ROS1: variants seen among roughly 807,000 people sequenced by gnomAD.
ROS1 encodes the protein proto-oncogene tyrosine-protein kinase ROS.
In ROS1, 263 loss-of-function variants were observed where a neutral mutation model predicts 273.5. That is an observed-to-expected ratio of 0.96 (90% CI 0.87 to 1.06). The LOEUF is 1.06. Among genes scored for constraint, ROS1 ranks in the 50% least tolerant of loss-of-function variants. The probability of loss-of-function intolerance (pLI) is 0.00; values close to 1 mark genes in which losing one functional copy is unlikely to be tolerated. For missense variants in ROS1, 2,833 were observed against 2,751.1 expected (o/e 1.03, Z -0.67); for synonymous variants, 1,008 against 954.1 (o/e 1.06, Z -1.04).
At chr6:117,309,973 TG>T in intron 41 of ROS1, 107 bp downstream of exon 41, 1 of 961,578 alleles carries the variant, frequency 1.0e-6, no homozygotes, top group Non-Finnish European at 1.6e-6. Context: ...TTAATCTCTC[TG>T]GTCTTCTGTT....
At chr6:117,289,625 C>T (rs966791394) in intron 43 of ROS1, among the ~76,000 whole-genome samples, 3 of 152,206 alleles carry the variant, frequency 2.0e-5, no homozygotes, top group African/African-American at 7.2e-5. Flanking sequence ...CTCCGAACTG[C>T]TGAAGAACAA....
rs114017433 is a variant in ROS1, at chr6:117,312,190, A to G, written c.6118-1073T>C. Among the ~76,000 whole-genome samples, 819 of 152,142 alleles carry G rather than the reference A, an allele frequency of 5.4e-3. 7 individuals are homozygous for G. The highest frequency in any genetic ancestry group is 0.042 in the East Asian group (218 of 5,166). On this transcript the variant is annotated intron_variant, in intron 39 of 43. Transcript: ENST00000368507. ...TCAGCCTCTCTTCTTTATTCCTGCT[A>G]TCATTTTTTCTCCTGGAATGTGCTC...
chr6:117,318,248 A>G lies in ROS1; in HGVS notation c.5927T>C (p.Leu1976Ser). ...CTCCTGGTCTGTGGAACCCTTCTTC[A>G]AAGTCTATACAACATAAAAACAAGT... ...SGEIKVAVKT[L>S]KKGSTDQEKI... Residue 1976 changes from leucine (L) to serine (S), a missense_variant, in exon 38 of 44, where the codon TTG becomes TCG. Coordinates refer to ENST00000368507, the MANE Select transcript of ROS1 (RefSeq NM_001378902.1). 1 of 1,612,156 alleles carries G rather than the reference A, an allele frequency of 6.2e-7. No individual in the cohort carries two copies. The highest frequency in any genetic ancestry group is 2.2e-5 in the East Asian group (1 of 44,818).
At position 117,385,705 on chromosome 6, in the gene ROS1, T is replaced by C. The variant is rs1311205624; in HGVS notation, c.2267A>G (p.Tyr756Cys). 3 of 1,614,018 alleles carry C rather than the reference T, an allele frequency of 1.9e-6. No individual in the cohort carries two copies. Among genetic ancestry groups the C allele is most frequent in the Admixed American group, 3.3e-5 (2 of 60,000 alleles). Residue 756 changes from tyrosine (Y) to cysteine (C), a missense_variant, in exon 16 of 44, where the codon TAC becomes TGC. Transcript: ENST00000368507. ...CACCACATATGTCTTTCCAGCCCAG[T>C]AGAGAAAGTGACCCAGCCACTCAAA... Reference protein sequence around the residue: ...LAFEWLGHFLYWAGKTYVIQR... With the variant: ...LAFEWLGHFLCWAGKTYVIQR...
At chr6:117,400,856 A>C (rs2128721403) in intron 7 of ROS1, among the ~76,000 whole-genome samples, 1 of 152,262 alleles carries the variant, frequency 6.6e-6, no homozygotes, top group South Asian at 2.1e-4. Flanking sequence ...TAACTCCTAA[A>C]TTGGTAGTTT....
intron 39 of ROS1, among the ~76,000 whole-genome samples, chr6:117,316,691 A>G (rs1775943287): frequency 1.3e-5 from 2 of 152,150 alleles, no homozygotes; most frequent in African/African-American, 4.8e-5. Flanking sequence ...TACGAAATCA[A>G]GAGCTCCGTT....
At chr6:117,306,545 G>A (rs1029374444) in intron 42 of ROS1, among the ~76,000 whole-genome samples, 2 of 152,146 alleles carry the variant, frequency 1.3e-5, no homozygotes, top group Non-Finnish European at 2.9e-5. Flanking sequence ...GGAGAGAAGG[G>A]CAGGAATGCT....
At chr6:117,309,040 A>G in intron 41 of ROS1, 112 bp from the exon 42 acceptor site, 3 of 1,014,104 alleles carry the variant, frequency 3.0e-6, no homozygotes, top group Non-Finnish European at 4.3e-6. Flanking sequence ...TTGTCAGTGT[A>G]TTATTGGCCT....
intron 43 of ROS1, among the ~76,000 whole-genome samples, chr6:117,298,553 TAAG>T (rs1440006717): frequency 6.6e-6 from 1 of 152,174 alleles, no homozygotes; most frequent in Non-Finnish European, 1.5e-5. Flanking sequence ...TTATGACAAA[TAAG>T]AACCAGGCCA....
intron 7 of ROS1, among the ~76,000 whole-genome samples, chr6:117,399,050 T>G (rs1321459432): frequency 6.6e-6 from 1 of 150,996 alleles, no homozygotes; most frequent in African/African-American, 2.4e-5. Flanking sequence ...TATGAGGCAA[T>G]TAACACAATA....
chr6:117,389,414 C>T lies in ROS1; in HGVS notation c.1722G>A (p.Ser574=), dbSNP rs138192393. The change falls in exon 13 of 44, where the codon TCG becomes TCA. Residue 574 remains serine, a synonymous_variant. Transcript: ENST00000368507. ...GAGCCTGGTGAGAGCCAAACAGCACCGAAAGCTCCTGCGGGCGGCCTGGCA... is the reference window on the plus strand; with the variant it reads ...GAGCCTGGTGAGAGCCAAACAGCACTGAAAGCTCCTGCGGGCGGCCTGGCA... ...HPLPGRPQEL[S]VLFGSHQALV... The T allele has an allele frequency of 8.6e-5, 138 of 1,613,998 alleles. No individual in the cohort carries two copies. The highest frequency in any genetic ancestry group is 1.8e-4 in the East Asian group (8 of 44,882).
At chr6:117,363,779 G>T (rs1779991542) in intron 21 of ROS1, among the ~76,000 whole-genome samples, 1 of 152,100 alleles carries the variant, frequency 6.6e-6, no homozygotes, top group African/African-American at 2.4e-5. Flanking sequence ...TGCCACTGCT[G>T]CTCAGGTATA....
chr6:117,335,201 C>T (rs1485444239), intron 32 of ROS1, among the ~76,000 whole-genome samples: 1 of 152,056 alleles, frequency 6.6e-6, no homozygotes, highest in Non-Finnish European at 1.5e-5. Context: ...AGACACTTCT[C>T]AAAAAGGGAT....
Position 117,362,764 on chromosome 6 carries a change from G to A in ROS1, c.3205C>T (p.His1069Tyr). 1 of 1,613,520 alleles carries A rather than the reference G, an allele frequency of 6.2e-7. No homozygotes were observed. Among genetic ancestry groups the A allele is most frequent in the Non-Finnish European group, 8.5e-7 (1 of 1,179,592 alleles). The change falls in exon 22 of 44, where the codon CAT becomes TAT. Residue 1069 changes from histidine (H) to tyrosine (Y), a missense_variant. Physicochemically the swap from His to Tyr is moderately conservative, Grantham distance 83. Coordinates refer to ENST00000368507, the MANE Select transcript of ROS1 (RefSeq NM_001378902.1). ...AATTTTGTTAACACCCCATTTTCAT[G>A]CTTAGGTTTGTTCCACCTAAATTCC... ...VVEFRWNKPKHENGVLTKFEI... is the reference protein window; with the variant it reads ...VVEFRWNKPKYENGVLTKFEI...
rs559120791 is a variant in ROS1 at position 117,310,070 on chromosome 6, G to A, written c.6416+11C>T. The A allele has an allele frequency of 2.2e-5, 35 of 1,608,040 alleles. No individual in the cohort carries two copies. Among genetic ancestry groups the A allele is most frequent in the South Asian group, 5.5e-5 (5 of 90,894 alleles). ...TTCTGTCAGCATTACTCTGTGTCCCGTTAAACTTACCATACATCAGATTGA... is the reference window on the plus strand; with the variant it reads ...TTCTGTCAGCATTACTCTGTGTCCCATTAAACTTACCATACATCAGATTGA... On this transcript the variant is annotated intron_variant, in intron 41 of 43. Transcript: ENST00000368507.
At chr6:117,379,028 C>T in intron 18 of ROS1, 31 bp downstream of exon 18, 1 of 1,304,350 alleles carries the variant, frequency 7.7e-7, no homozygotes, top group South Asian at 1.3e-5. Context: ...GTTTTCTTCT[C>T]AATCAATTGC....
Position 117,311,611 on chromosome 6 carries a change from T to C in ROS1, c.6118-494A>G, listed in dbSNP as rs140133071. 8.3e-3 allele frequency among the ~76,000 whole-genome samples: 1,262 copies of C among 152,218 alleles called. 7 individuals carry two copies. The highest frequency in any genetic ancestry group is 0.013 in the Non-Finnish European group (907 of 67,980). ...AAATGATCATTTAAGTGCTAGCTGG[T>C]TTAATTATTGACCCAATGGCACTCT... On this transcript the variant is annotated intron_variant, in intron 39 of 43. Coordinates refer to ENST00000368507, the MANE Select transcript of ROS1 (RefSeq NM_001378902.1).
At chr6:117,365,840 A>C in intron 19 of ROS1, 99 bp from the exon 20 acceptor site, 1 of 1,033,336 alleles carries the variant, frequency 9.7e-7, no homozygotes, top group Non-Finnish European at 1.4e-6. Context: ...TAATAATTAG[A>C]ACTGAAACAA....
In ROS1 at chr6:117,359,881, A is replaced by G. The variant is rs1779642755; in HGVS notation, c.3561T>C (p.Asp1187=). ...RVISAVCYTA[D]NEMGYYAEGD... is the part of the protein sequence containing the mutation. ...CTTCAGCATAATATCCCATCTCATT[A>G]TCAGCTGTGTAGCAAACGGCACTGA... The change falls in exon 24 of 44, where the codon GAT becomes GAC. Residue 1187 remains aspartate, a synonymous_variant. Coordinates refer to ENST00000368507, the MANE Select transcript of ROS1 (RefSeq NM_001378902.1). The G allele has an allele frequency of 6.2e-7, 1 of 1,613,884 alleles. No homozygotes were observed. The highest frequency in any genetic ancestry group is 8.5e-7 in the Non-Finnish European group (1 of 1,179,920).
Sources: allele counts gnomAD v4.1 joint callset (sites outside exome capture counted in the v4.1 genomes callset), GRCh38; gene constraint gnomAD v4.1.1; transcripts MANE v1.5; gene names NCBI Gene and HGNC (gene_info 2026-07-23, HGNC 2026-07-21).